The following CHCHD6 variants were observed in gnomAD, a reference collection of about 807,000 sequenced individuals.
CHCHD6 encodes coiled-coil-helix-coiled-coil-helix domain containing 6, also known as MICOS complex subunit MIC25.
In CHCHD6, 28 loss-of-function variants were observed where a neutral mutation model predicts 32.3. That is an observed-to-expected ratio of 0.87 (90% CI 0.64 to 1.19). CHCHD6 has a LOEUF of 1.19. Among genes scored for constraint, CHCHD6 ranks in the 50% most tolerant of loss-of-function variants. CHCHD6 has a pLI of 0.00. For missense variants in CHCHD6, 333 were observed against 307.0 expected, an observed-to-expected ratio of 1.08 and a Z score of -0.63; for synonymous variants, 122 against 117.5, an observed-to-expected ratio of 1.04 and a Z score of -0.25.
At chr3:126,909,767 G>C (rs780333536) in intron 5 of CHCHD6, among the ~76,000 whole-genome samples, 3 of 152,150 alleles carry the variant, frequency 2.0e-5, no homozygotes, top group Non-Finnish European at 4.4e-5. Flanking sequence ...ATAGTCCCTG[G>C]TCATTGGGTG....
intron 6 of CHCHD6, among the ~76,000 whole-genome samples, chr3:126,933,900 C>A (rs145996077): frequency 6.6e-6 from 1 of 152,174 alleles, no homozygotes; most frequent in Non-Finnish European, 1.5e-5. Flanking sequence ...CATCAAAATA[C>A]CCCCTTCTCC....
intron 4 of CHCHD6, chr3:126,766,601 G>C: frequency 8.4e-7 from 1 of 1,185,882 alleles, no homozygotes; most frequent in Middle Eastern, 2.9e-4. Context: ...TTGGGCTTGT[G>C]GTCCCTTAGC....
At chr3:126,821,787 T>G (rs969889415) in intron 4 of CHCHD6, among the ~76,000 whole-genome samples, 4 of 151,076 alleles carry the variant, frequency 2.6e-5, no homozygotes, top group Non-Finnish European at 5.9e-5. Flanking sequence ...TGAAGTGGTA[T>G]CTCATTGTGG....
At chr3:126,815,586 G>A (rs1429796099) in intron 4 of CHCHD6, among the ~76,000 whole-genome samples, 1 of 151,274 alleles carries the variant, frequency 6.6e-6, no homozygotes, top group Non-Finnish European at 1.5e-5. Context: ...TCAAGTCTCT[G>A]CTCTTTCCAT....
chr3:126,718,494 A>T (rs13326241), intron 1 of CHCHD6, among the ~76,000 whole-genome samples: 1 of 152,218 alleles, frequency 6.6e-6, no homozygotes, highest in East Asian at 1.9e-4. Context: ...GCTGGTATGC[A>T]GCTTAGCTGG....
chr3:126,769,524 G>A (rs1467281997), intron 4 of CHCHD6, among the ~76,000 whole-genome samples: 1 of 151,974 alleles, frequency 6.6e-6, no homozygotes, highest in African/African-American at 2.4e-5. Flanking sequence ...ATTTTTTTGA[G>A]ATGGAGTCTC....
chr3:126,867,744 A>C (rs1942335704), intron 5 of CHCHD6, among the ~76,000 whole-genome samples: 1 of 150,058 alleles, frequency 6.7e-6, no homozygotes, highest in African/African-American at 2.5e-5. Flanking sequence ...CCCCCAATCC[A>C]CTGGTGACCA....
At chr3:126,797,897 C>A (rs965026114) in intron 4 of CHCHD6, among the ~76,000 whole-genome samples, 1 of 152,290 alleles carries the variant, frequency 6.6e-6, no homozygotes, top group East Asian at 1.9e-4. Flanking sequence ...AGTAACAGGG[C>A]GCCTCCGTGC....
intron 1 of CHCHD6, among the ~76,000 whole-genome samples, chr3:126,714,758 G>A (rs78894369): frequency 0.03 from 4,633 of 152,220 alleles, 98 homozygotes; most frequent in Non-Finnish European, 0.04. Flanking sequence ...AAAACACTGC[G>A]TTGAGTGGAT....
intron 4 of CHCHD6, among the ~76,000 whole-genome samples, chr3:126,749,290 A>C (rs937821669): frequency 5.9e-5 from 9 of 152,214 alleles, no homozygotes; most frequent in Non-Finnish European, 8.8e-5. Flanking sequence ...AGGACTCCCA[A>C]GGGCCCTTCA....
intron 4 of CHCHD6, among the ~76,000 whole-genome samples, chr3:126,746,009 C>T (rs114696085): frequency 2.0e-5 from 3 of 152,310 alleles, no homozygotes; most frequent in Non-Finnish European, 2.9e-5. Flanking sequence ...CAAATCTTGG[C>T]GAGGCTTCTC....
intron 5 of CHCHD6, among the ~76,000 whole-genome samples, chr3:126,877,310 C>G (rs1217920548): frequency 6.6e-6 from 1 of 152,126 alleles, no homozygotes; most frequent in Non-Finnish European, 1.5e-5. Context: ...AATCTCAGCA[C>G]TTTGGGAGGC....
intron 5 of CHCHD6, among the ~76,000 whole-genome samples, chr3:126,911,280 G>A (rs1187583778): frequency 6.6e-6 from 1 of 152,204 alleles, no homozygotes; most frequent in Non-Finnish European, 1.5e-5. Context: ...CGGGTTCTCA[G>A]TGTGCACGTT....
chr3:126,712,284 A>G (rs897086959), intron 1 of CHCHD6, among the ~76,000 whole-genome samples: 1 of 152,210 alleles, frequency 6.6e-6, no homozygotes, highest in South Asian at 2.1e-4. Context: ...AAATTTTATC[A>G]TAATATAGTA....
At chr3:126,706,096 G>C (rs767627403) in intron 1 of CHCHD6, among the ~76,000 whole-genome samples, 1 of 152,214 alleles carries the variant, frequency 6.6e-6, no homozygotes, top group Non-Finnish European at 1.5e-5. Flanking sequence ...GCTTGGCTCT[G>C]TTTGGGTGCT....
intron 5 of CHCHD6, among the ~76,000 whole-genome samples, chr3:126,898,931 A>G (rs1025748672): frequency 1.3e-5 from 2 of 152,238 alleles, no homozygotes; most frequent in Non-Finnish European, 2.9e-5. Context: ...AAAGGAGGAA[A>G]TTGATAAGAT....
intron 5 of CHCHD6, among the ~76,000 whole-genome samples, chr3:126,908,152 T>C (rs1282919494): frequency 6.6e-6 from 1 of 152,204 alleles, no homozygotes; most frequent in Non-Finnish European, 1.5e-5. Flanking sequence ...CACTGTTTGA[T>C]TGGAGTTTTG....
chr3:126,960,148 C>T (rs2078840555), intron 7 of CHCHD6, 48 bp from the exon 8 acceptor site: 2 of 1,551,014 alleles, frequency 1.3e-6, no homozygotes, highest in Non-Finnish European at 1.7e-6. Flanking sequence ...AGCTGGAGGG[C>T]ATGGGCGGAG....
chr3:126,761,742 T>C lies in CHCHD6; in HGVS notation c.411+28520T>C, dbSNP rs1226745107. Reference sequence around the variant, plus strand: ...GCACCCAGTCCTGTTAATTCTTCTTTAAATGTTTGGTAGAATTCACTACTG... The same window carrying C: ...GCACCCAGTCCTGTTAATTCTTCTTCAAATGTTTGGTAGAATTCACTACTG... On this transcript the variant is annotated intron_variant, in intron 4 of 7. Coordinates refer to ENST00000290913, the MANE Select transcript of CHCHD6 (RefSeq NM_032343.3). 3.3e-5 allele frequency among the ~76,000 whole-genome samples: 5 copies of C among 152,328 alleles called. No homozygotes were observed. In the Middle Eastern group the frequency reaches 0.01, roughly 311 times the overall value.
Sources: allele counts gnomAD v4.1 joint callset (sites outside exome capture counted in the v4.1 genomes callset), GRCh38; gene constraint gnomAD v4.1.1; transcripts MANE v1.5; gene names NCBI Gene and HGNC (gene_info 2026-07-23, HGNC 2026-07-21).